Variants in GNG7 observed in about 807,000 individuals in gnomAD.
GNG7 encodes guanine nucleotide-binding protein G(I)/G(S)/G(O) subunit gamma-7.
In GNG7, 1 loss-of-function variant was observed where a neutral mutation model predicts 4.0. The ratio of observed to expected loss-of-function variants is 0.25; its 90% CI spans 0.09 to 1.18. The LOEUF is 1.18. Among genes scored for constraint, GNG7 ranks in the 50% most tolerant of loss-of-function variants. The probability of loss-of-function intolerance (pLI) is 0.50; values close to 1 mark genes in which losing one functional copy is unlikely to be tolerated. For synonymous variants in GNG7, 34 were observed against 36.9 expected (o/e 0.92, Z 0.29); for missense variants, 86 against 91.9 (o/e 0.94, Z 0.26).
rs1250581952 is a variant in GNG7 at position 2,633,487 on chromosome 19, G to GCGCGCACACACACACACA, written c.-78+12736_-78+12737insTGTGTGTGTGTGTGCGCG. On this transcript the variant is annotated intron_variant, in intron 2 of 4. Transcript: ENST00000382159. The surrounding 1 kb of genome is among the most constrained non-coding windows in gnomAD (Gnocchi z 5.9). Reference sequence around the variant, plus strand: ...TAGCAACAGGCGCGCGCGCGCGCGCGCACACACACACACACACACACACAC... The same window carrying GCGCGCACACACACACACA: ...TAGCAACAGGCGCGCGCGCGCGCGCGCGCGCACACACACACACACACACACACACACACACACACACAC... 9.6e-6 allele frequency among the ~76,000 whole-genome samples: 1 copy of GCGCGCACACACACACACA among 103,776 alleles called. No homozygotes were observed. Among genetic ancestry groups the GCGCGCACACACACACACA allele is most frequent in the African/African-American group, 3.9e-5 (1 of 25,476 alleles). The allele number at this position is 103,776 out of a possible 152,430, so 68.1% of individuals were successfully genotyped here.
intron 1 of GNG7, among the ~76,000 whole-genome samples, chr19:2,665,372 G>GA (rs1983282670): frequency 6.7e-6 from 1 of 149,132 alleles, no homozygotes; most frequent in Non-Finnish European, 1.5e-5. Flanking sequence ...GGGGGGGGGG[G>GA]GGCAGGATCA....
chr19:2,558,246 TTTTG>T (rs1295662289), intron 2 of GNG7, among the ~76,000 whole-genome samples: 7 of 44,966 alleles, frequency 1.6e-4, no homozygotes, highest in Middle Eastern at 0.017. Flanking sequence ...TTGTTTTTGT[TTTTG>T]TTTTTTTTTT....
chr19:2,553,454 A>C (rs1034420920), intron 3 of GNG7, among the ~76,000 whole-genome samples: 1 of 147,572 alleles, frequency 6.8e-6, no homozygotes, highest in African/African-American at 2.5e-5. Flanking sequence ...ATTATATGCA[A>C]TATATTATGT....
At chr19:2,635,213 G>A (rs1270282795) in intron 2 of GNG7, among the ~76,000 whole-genome samples, 1 of 152,182 alleles carries the variant, frequency 6.6e-6, no homozygotes, top group African/African-American at 2.4e-5. Context: ...GTGCAGGTGG[G>A]TGCAGGTGGG....
chr19:2,512,778 C>T lies in GNG7; in HGVS notation c.*2244G>A. 1 of 479,366 alleles carries T rather than the reference C, an allele frequency of 2.1e-6. No homozygotes were observed. The highest frequency in any genetic ancestry group is 2.7e-6 in the Non-Finnish European group (1 of 367,430). The allele number at this position is 479,366 out of a possible 1,614,324, so 29.7% of individuals were successfully genotyped here. ...AAAAACGGGGTGGGGTGTGTTTGTT[C>T]CCAGTTACCAAGATGGCTTGTTGGA... On this transcript the variant is annotated 3_prime_UTR_variant, in exon 5 of 5. Transcript: ENST00000382159. This position sits in a 1 kb window ranked among gnomAD's most constrained non-coding sequence, Gnocchi z 4.7.
In GNG7 at chr19:2,520,728, G is replaced by C; in HGVS notation, c.-37-3C>G. 8.1e-7 allele frequency: 1 copy of C among 1,239,846 alleles called. No individual in the cohort carries two copies. The highest frequency in any genetic ancestry group is 1.5e-5 in the African/African-American group (1 of 67,198). 76.8% of individuals were successfully genotyped at this position (1,239,846 alleles called of 1,614,324 possible). A position where few individuals can be genotyped will look rare whatever the true frequency, so the allele number is the denominator to read the frequency against. ...TCTGGGCCCCGTTGTTCAGAGAGCT[G>C]TGGGGGAAGCAGAGGGGTGTGGGTC... is the stretch of plus-strand genomic sequence containing the variant. On this transcript the variant is annotated splice_polypyrimidine_tract_variant and splice_region_variant and intron_variant, in intron 3 of 4. Coordinates refer to ENST00000382159, the MANE Select transcript of GNG7 (RefSeq NM_052847.3).
intron 1 of GNG7, among the ~76,000 whole-genome samples, chr19:2,673,273 C>A (rs56933014): frequency 0.18 from 20,221 of 112,730 alleles, 2,298 homozygotes; most frequent in East Asian, 0.5. Flanking sequence ...AAAAACAAAA[C>A]AAAACAAAAC....
Position 2,626,673 on chromosome 19 carries a change from C to T in GNG7, c.-78+19551G>A, listed in dbSNP as rs746597477. On this transcript the variant is annotated intron_variant, in intron 2 of 4. Transcript: ENST00000382159. This position sits in a 1 kb window ranked among gnomAD's most constrained non-coding sequence, Gnocchi z 5.0. Reference sequence around the variant, plus strand: ...CACTCTTGGGCGGTGTTGTCTTCATCGGTTCACTCAATCAGGGTCTCAACT... The same window carrying T: ...CACTCTTGGGCGGTGTTGTCTTCATTGGTTCACTCAATCAGGGTCTCAACT... 5.3e-5 allele frequency among the ~76,000 whole-genome samples: 8 copies of T among 152,180 alleles called. No individual in the cohort carries two copies. The highest frequency in any genetic ancestry group is 1.0e-4 in the Non-Finnish European group (7 of 68,024).
At chr19:2,599,120 T>G (rs1053572947) in intron 2 of GNG7, among the ~76,000 whole-genome samples, 1 of 152,094 alleles carries the variant, frequency 6.6e-6, no homozygotes, top group African/African-American at 2.4e-5. Context: ...GAGGGACGCC[T>G]GGGGTGGGGG....
chr19:2,688,767 G>T (rs1913063308), intron 1 of GNG7, among the ~76,000 whole-genome samples: 1 of 151,992 alleles, frequency 6.6e-6, no homozygotes, highest in Non-Finnish European at 1.5e-5. Flanking sequence ...GGAGTTGAGA[G>T]AAATGAACCC....
chr19:2,534,234 C>T (rs926196535), intron 3 of GNG7, among the ~76,000 whole-genome samples: 5 of 152,292 alleles, frequency 3.3e-5, no homozygotes, highest in African/African-American at 1.2e-4. Flanking sequence ...CAGCCAGCCC[C>T]TCCTTGGATG....
At chr19:2,576,611 A>G (rs1389614673) in intron 2 of GNG7, among the ~76,000 whole-genome samples, 2 of 152,132 alleles carry the variant, frequency 1.3e-5, no homozygotes, top group Admixed American at 1.3e-4. Flanking sequence ...CAGGGGTGCA[A>G]TCACAGCTCA....
intron 1 of GNG7, among the ~76,000 whole-genome samples, chr19:2,673,627 A>T (rs943324488): frequency 1.3e-5 from 2 of 148,802 alleles, no homozygotes; most frequent in African/African-American, 4.9e-5. Flanking sequence ...CAGGAGGTGG[A>T]GGTTGCAGTG....
Position 2,674,656 on chromosome 19 carries a change from G to A in GNG7, c.-135+27990C>T, listed in dbSNP as rs374746724. Among the ~76,000 whole-genome samples the A allele has an allele frequency of 2.6e-5, 4 of 152,066 alleles. No homozygotes were observed. In the South Asian group the frequency reaches 8.3e-4, roughly 32 times the overall value. ...TTACCATGTTGGCCAGGCTGGTCTC[G>A]AACTCCTGACCTCAGGTGATCCACC... On this transcript the variant is annotated intron_variant, in intron 1 of 4. Coordinates refer to ENST00000382159, the MANE Select transcript of GNG7 (RefSeq NM_052847.3).
chr19:2,529,286 G>A (rs920207636), intron 3 of GNG7, among the ~76,000 whole-genome samples: 6 of 152,248 alleles, frequency 3.9e-5, no homozygotes, highest in African/African-American at 9.6e-5. Flanking sequence ...GCACCAACTC[G>A]GCTCACTGCA....
At chr19:2,642,429 A>G (rs1456943968) in intron 2 of GNG7, 9 of 308,770 alleles carry the variant, frequency 2.9e-5, no homozygotes, top group Non-Finnish European at 6.3e-6. Flanking sequence ...GCAGTGGTGC[A>G]ATCATAGCCC....
At chr19:2,624,698 T>C (rs1396807494) in intron 2 of GNG7, among the ~76,000 whole-genome samples, 1 of 152,176 alleles carries the variant, frequency 6.6e-6, no homozygotes, top group Non-Finnish European at 1.5e-5. Flanking sequence ...CTGGCGGCTA[T>C]TCCTAGCAGC....
At position 2,566,324 on chromosome 19, in the gene GNG7, C is replaced by T. The variant is rs886581537; in HGVS notation, c.-77-11136G>A. Among the ~76,000 whole-genome samples, 4 of 152,118 alleles carry T rather than the reference C, an allele frequency of 2.6e-5. No individual in the cohort carries two copies. In the South Asian group the frequency reaches 8.3e-4, roughly 32 times the overall value. On this transcript the variant is annotated intron_variant, in intron 2 of 4. Transcript: ENST00000382159. ...AAGGCCAAGGATCTCCGGCCATCAC[C>T]AGGAGCTGGGAGTGGCCCTGGGATG...
At chr19:2,655,107 T>G (rs923331111) in intron 1 of GNG7, among the ~76,000 whole-genome samples, 1 of 149,892 alleles carries the variant, frequency 6.7e-6, no homozygotes, top group African/African-American at 2.5e-5. Flanking sequence ...GGAGGATTGC[T>G]GAGTCTGGGA....
Sources: allele counts gnomAD v4.1 joint callset (sites outside exome capture counted in the v4.1 genomes callset), GRCh38; gene constraint gnomAD v4.1.1; non-coding constraint Gnocchi (gnomAD v3.1); transcripts MANE v1.5; gene names NCBI Gene and HGNC (gene_info 2026-07-23, HGNC 2026-07-21).